C8orf34: variants seen among roughly 807,000 people sequenced by gnomAD.
C8orf34 encodes the protein chromosome 8 open reading frame 34.
C8orf34 carries 65 observed loss-of-function variants against 68.3 expected under a neutral mutation model. That is an observed-to-expected ratio of 0.95 (90% confidence interval 0.78 to 1.17). The LOEUF (loss-of-function observed/expected upper bound fraction) is 1.17. Among genes scored for constraint, C8orf34 ranks in the 50% most tolerant of loss-of-function variants. C8orf34 has a pLI of 0.00. For synonymous variants in C8orf34, 244 were observed against 241.2 expected (o/e 1.01, Z -0.11); for missense variants, 664 against 655.4 (o/e 1.01, Z -0.14).
intron 8 of C8orf34, among the ~76,000 whole-genome samples, chr8:68,697,681 T>G (rs1458162986): frequency 1.3e-5 from 2 of 152,114 alleles, no homozygotes; most frequent in African/African-American, 4.8e-5. Flanking sequence ...TTGAACTAAT[T>G]TCCTGAGTAC....
At chr8:68,447,271 TG>T (rs891554858) in intron 3 of C8orf34, 1 of 152,234 alleles carries the variant, frequency 6.6e-6, no homozygotes, top group African/African-American at 2.4e-5. Flanking sequence ...CATGAGGGAT[TG>T]ACCCCCATAA....
At chr8:68,609,894 G>C (rs1319599705) in intron 7 of C8orf34, among the ~76,000 whole-genome samples, 3 of 152,142 alleles carry the variant, frequency 2.0e-5, no homozygotes, top group African/African-American at 7.2e-5. Context: ...GGCAAGTGGA[G>C]CCAGGTGGAG....
chr8:68,420,022 A>G (rs1384116083), intron 1 of C8orf34, among the ~76,000 whole-genome samples: 7 of 151,658 alleles, frequency 4.6e-5, no homozygotes, highest in Admixed American at 1.3e-4. Context: ...AAGAAAAGAA[A>G]TTATCTGAGA....
intron 12 of C8orf34, among the ~76,000 whole-genome samples, chr8:68,798,667 A>C (rs13258172): frequency 0.072 from 11,034 of 152,264 alleles, 568 homozygotes; most frequent in Middle Eastern, 0.11. Context: ...ATTTTTCATT[A>C]TAATACTGGT....
intron 8 of C8orf34, among the ~76,000 whole-genome samples, chr8:68,691,641 G>T (rs1820688458): frequency 6.6e-6 from 1 of 151,906 alleles, no homozygotes. Flanking sequence ...TTATCACTGT[G>T]GTTCATGTTA....
At chr8:68,475,269 T>G (rs544608432) in intron 4 of C8orf34, among the ~76,000 whole-genome samples, 43 of 152,322 alleles carry the variant, frequency 2.8e-4, no homozygotes, top group African/African-American at 1.0e-3. Context: ...CTGGGGTAGA[T>G]TTGCATCCCC....
intron 1 of C8orf34, among the ~76,000 whole-genome samples, chr8:68,347,470 C>G (rs115612032): frequency 0.029 from 4,354 of 152,050 alleles, 85 homozygotes; most frequent in Middle Eastern, 0.065. Flanking sequence ...ATTCCTCTGG[C>G]CATATTCCCA....
At chr8:68,534,202 T>C in intron 7 of C8orf34, 10 of 985,446 alleles carry the variant, frequency 1.0e-5, no homozygotes, top group Non-Finnish European at 1.2e-5. Context: ...TGTTTTCTGA[T>C]GCTGTAAAAA....
intron 6 of C8orf34, among the ~76,000 whole-genome samples, chr8:68,529,555 G>C (rs543741290): frequency 2.0e-5 from 3 of 152,286 alleles, no homozygotes; most frequent in African/African-American, 7.2e-5. Context: ...GATACATAAT[G>C]ATGTAGAAAT....
intron 6 of C8orf34, among the ~76,000 whole-genome samples, chr8:68,530,899 G>C (rs1176857775): frequency 1.3e-5 from 2 of 151,946 alleles, no homozygotes; most frequent in Admixed American, 1.3e-4. Flanking sequence ...TCATATATTT[G>C]TTCTTATTTT....
intron 1 of C8orf34, among the ~76,000 whole-genome samples, chr8:68,428,310 A>G (rs1423527434): frequency 6.6e-6 from 1 of 152,094 alleles, no homozygotes; most frequent in Non-Finnish European, 1.5e-5. Context: ...ATACGTGGGT[A>G]CATCTAAATG....
intron 7 of C8orf34, among the ~76,000 whole-genome samples, chr8:68,614,507 C>T (rs912905022): frequency 0.011 from 1,696 of 152,164 alleles, 25 homozygotes; most frequent in African/African-American, 0.035. Context: ...TTTCTACATA[C>T]GGCTAGCCAG....
intron 1 of C8orf34, among the ~76,000 whole-genome samples, chr8:68,339,136 T>G (rs998531271): frequency 6.6e-6 from 1 of 152,088 alleles, no homozygotes; most frequent in African/African-American, 2.4e-5. Flanking sequence ...TTGTTAATTT[T>G]CATATAAAAA....
At chr8:68,439,343 T>C in intron 1 of C8orf34, 156 bp from the exon 2 acceptor site, 1 of 594,524 alleles carries the variant, frequency 1.7e-6, no homozygotes, top group Non-Finnish European at 2.8e-6. Flanking sequence ...GGGCAGTAAC[T>C]TGTAGCCGTC....
intron 12 of C8orf34, among the ~76,000 whole-genome samples, chr8:68,796,200 G>A (rs755372688): frequency 6.6e-6 from 1 of 152,166 alleles, no homozygotes; most frequent in Non-Finnish European, 1.5e-5. Flanking sequence ...AGATTCAGCC[G>A]TTTTTCTTGA....
chr8:68,537,428 T>A (rs1445477031), intron 7 of C8orf34, among the ~76,000 whole-genome samples: 2 of 151,908 alleles, frequency 1.3e-5, no homozygotes, highest in African/African-American at 4.8e-5. Flanking sequence ...TAAAAAAGAT[T>A]ATTCATAAGA....
chr8:68,631,801 A>T (rs1418515272), intron 7 of C8orf34, among the ~76,000 whole-genome samples: 1 of 152,108 alleles, frequency 6.6e-6, no homozygotes, highest in Non-Finnish European at 1.5e-5. Flanking sequence ...CTCTCCTGCC[A>T]CTATGTAAGA....
chr8:68,368,038 G>A (rs967077782), intron 1 of C8orf34, among the ~76,000 whole-genome samples: 2 of 149,364 alleles, frequency 1.3e-5, no homozygotes, highest in Non-Finnish European at 3.0e-5. Context: ...ATGTCTATTA[G>A]TTTACTTTCT....
At position 68,587,654 on chromosome 8, in the gene C8orf34, TAAC is replaced by T. The variant is rs533274815; in HGVS notation, c.1106-52719_1106-52717del. On this transcript the variant is annotated intron_variant, in intron 7 of 13. Coordinates refer to ENST00000518698, the MANE Select transcript of C8orf34 (RefSeq NM_052958.4). The stretch of plus-strand genomic sequence containing the variant: ...CAGATATATTAAAAAGTATATTTAA[TAAC>T]AAGATTTATGTTGAAAATGTTAATA... Among the ~76,000 whole-genome samples the T allele has an allele frequency of 3.1e-4, 47 of 152,298 alleles. No individual in the cohort carries two copies. The East Asian group carries it at 8.1e-3, about 26-fold the overall frequency.
Sources: allele counts gnomAD v4.1 joint callset (sites outside exome capture counted in the v4.1 genomes callset), GRCh38; gene constraint gnomAD v4.1.1; transcripts MANE v1.5; gene names NCBI Gene and HGNC (gene_info 2026-07-23, HGNC 2026-07-21).